UNC5C: variants seen among roughly 807,000 people sequenced by gnomAD.
UNC5C encodes unc-5 netrin receptor C.
A neutral mutation model predicts 99.8 loss-of-function variants in UNC5C; 47 were observed. The observed-to-expected ratio is 0.47, with a 90% CI of 0.37 to 0.60. UNC5C has a LOEUF of 0.60. Ranked by LOEUF, UNC5C falls within the 20% of genes least tolerant of loss-of-function variation. The probability of loss-of-function intolerance (pLI) is 0.00; values close to 1 mark genes in which losing one functional copy is unlikely to be tolerated. For missense variants in UNC5C, 1,062 were observed against 1,165.9 expected, an observed-to-expected ratio of 0.91 and a Z score of 1.30; for synonymous variants, 487 against 452.2, an observed-to-expected ratio of 1.08 and a Z score of -0.98.
intron 1 of UNC5C, among the ~76,000 whole-genome samples, chr4:95,369,939 T>C (rs1744695648): frequency 6.6e-6 from 1 of 151,970 alleles, no homozygotes; most frequent in Admixed American, 6.6e-5. Context: ...CATATTGTGT[T>C]CCCAGAATAA....
chr4:95,332,210 GA>G (rs1265391393), intron 2 of UNC5C, among the ~76,000 whole-genome samples: 3 of 151,872 alleles, frequency 2.0e-5, no homozygotes, highest in Non-Finnish European at 4.4e-5. Flanking sequence ...CACAGAATTG[GA>G]AAAAACTACT....
intron 1 of UNC5C, among the ~76,000 whole-genome samples, chr4:95,363,913 C>G (rs1159658639): frequency 6.6e-6 from 1 of 152,142 alleles, no homozygotes; most frequent in African/African-American, 2.4e-5. Flanking sequence ...TCTCACACTT[C>G]TGGGGGAAGC....
chr4:95,484,128 G>A (rs1327242654), intron 1 of UNC5C, among the ~76,000 whole-genome samples: 1 of 151,752 alleles, frequency 6.6e-6, no homozygotes, highest in Non-Finnish European at 1.5e-5. Flanking sequence ...TGGGTAATGA[G>A]GAAGGGCTTC....
intron 1 of UNC5C, among the ~76,000 whole-genome samples, chr4:95,424,068 T>C (rs1169345491): frequency 1.3e-5 from 2 of 152,196 alleles, no homozygotes; most frequent in Non-Finnish European, 2.9e-5. Flanking sequence ...TTAATTCACA[T>C]GTAAAAATGT....
At chr4:95,382,641 C>T (rs939799524) in intron 1 of UNC5C, among the ~76,000 whole-genome samples, 2 of 151,936 alleles carry the variant, frequency 1.3e-5, no homozygotes, top group African/African-American at 4.8e-5. Context: ...TTGACCCATC[C>T]CCTCATTTGG....
At chr4:95,492,996 T>C (rs1213270447) in intron 1 of UNC5C, among the ~76,000 whole-genome samples, 3 of 151,374 alleles carry the variant, frequency 2.0e-5, no homozygotes, top group Non-Finnish European at 4.4e-5. Context: ...CCTTTTAAAC[T>C]ACAGAAAAGC....
chr4:95,362,509 C>T (rs1002864147), intron 1 of UNC5C, among the ~76,000 whole-genome samples: 21 of 152,110 alleles, frequency 1.4e-4, no homozygotes, highest in Admixed American at 5.9e-4. Context: ...TCATTTAGAG[C>T]AATGGATTTG....
At chr4:95,268,797 T>A (rs1451724622) in intron 4 of UNC5C, among the ~76,000 whole-genome samples, 1 of 152,208 alleles carries the variant, frequency 6.6e-6, no homozygotes, top group African/African-American at 2.4e-5. Context: ...AAGGTTACTC[T>A]GTTAAACTCA....
intron 10 of UNC5C, among the ~76,000 whole-genome samples, chr4:95,209,290 C>T (rs1040700531): frequency 4.6e-5 from 7 of 152,168 alleles, no homozygotes; most frequent in Admixed American, 1.3e-4. Context: ...TTTATCAGCA[C>T]GCATAAAACT....
chr4:95,421,016 T>C (rs187658094), intron 1 of UNC5C, among the ~76,000 whole-genome samples: 49 of 152,266 alleles, frequency 3.2e-4, no homozygotes, highest in African/African-American at 1.0e-3. Flanking sequence ...CTATCTTCAA[T>C]CTCTAGAATG....
chr4:95,508,149 T>C (rs1243113117), intron 1 of UNC5C, among the ~76,000 whole-genome samples: 1 of 151,900 alleles, frequency 6.6e-6, no homozygotes. Flanking sequence ...TACCATAGAA[T>C]AGGGTTTAAA....
intron 14 of UNC5C, among the ~76,000 whole-genome samples, chr4:95,170,801 C>A (rs1044202352): frequency 3.3e-5 from 5 of 152,202 alleles, no homozygotes; most frequent in African/African-American, 1.2e-4. Flanking sequence ...GCAAATGCTC[C>A]AGTAGTTCTG....
intron 4 of UNC5C, among the ~76,000 whole-genome samples, chr4:95,276,619 G>A (rs1017402022): frequency 3.9e-5 from 6 of 152,166 alleles, no homozygotes; most frequent in African/African-American, 2.4e-5. Flanking sequence ...TGGAGGAGGT[G>A]TGCATTAATA....
rs2865446 is a variant in UNC5C, at chr4:95,343,575, C to A, written c.125-7944G>T. The stretch of plus-strand genomic sequence containing the variant: ...TCAAGGCCATCCAAGAAAACATGAC[C>A]ATGCCGAGAAAATTAAATAAGACAC... On this transcript the variant is annotated intron_variant, in intron 1 of 15. Transcript: ENST00000453304. Among the ~76,000 whole-genome samples, 7 of 151,718 alleles carry A rather than the reference C, an allele frequency of 4.6e-5. No homozygotes were observed. In the East Asian group the frequency reaches 5.8e-4, roughly 13 times the overall value.
Position 95,167,244 on chromosome 4 carries a change from T to A in UNC5C, c.*1990A>T, listed in dbSNP as rs1045648491. Reference sequence around the variant, plus strand: ...TTCTAAAGGTTCCGATTCATACACATGTCTGCTTGTTCTTCAGTTTTGGTT... The same window carrying A: ...TTCTAAAGGTTCCGATTCATACACAAGTCTGCTTGTTCTTCAGTTTTGGTT... On this transcript the variant is annotated 3_prime_UTR_variant, in exon 16 of 16. Transcript: ENST00000453304. The A allele has an allele frequency of 6.6e-6, 1 of 152,234 alleles. No homozygotes were observed. Among genetic ancestry groups the A allele is most frequent in the Non-Finnish European group, 1.5e-5 (1 of 68,050 alleles). 9.4% of individuals were successfully genotyped at this position (152,234 alleles called of 1,614,324 possible). A position where few individuals can be genotyped will look rare whatever the true frequency, so the allele number is the denominator to read the frequency against.
chr4:95,347,018 C>G (rs1743800957), intron 1 of UNC5C, among the ~76,000 whole-genome samples: 1 of 151,796 alleles, frequency 6.6e-6, no homozygotes, highest in African/African-American at 2.4e-5. Flanking sequence ...TTGGAAAAAC[C>G]TAGACTTCAT....
At chr4:95,278,425 G>T in intron 3 of UNC5C, 63 bp from the exon 4 acceptor site, 2 of 1,384,396 alleles carry the variant, frequency 1.4e-6, no homozygotes, top group Non-Finnish European at 2.0e-6. Context: ...TTTACAGAGA[G>T]TACAAAAAAT....
At chr4:95,215,438 G>A (rs1424739352) in intron 10 of UNC5C, among the ~76,000 whole-genome samples, 1 of 152,148 alleles carries the variant, frequency 6.6e-6, no homozygotes, top group Non-Finnish European at 1.5e-5. Context: ...TACCCAATAC[G>A]ATTTGTTAGA....
intron 12 of UNC5C, among the ~76,000 whole-genome samples, chr4:95,188,509 C>G (rs760484757): frequency 1.3e-5 from 2 of 152,162 alleles, no homozygotes; most frequent in Admixed American, 6.5e-5. Context: ...GCAAGCCTGC[C>G]CGAAAGGCTA....
Sources: gnomAD v4.1 joint callset for allele counts (sites outside exome capture counted in the v4.1 genomes callset) on GRCh38, gnomAD v4.1.1 for gene constraint, MANE v1.5 for transcripts, NCBI Gene and HGNC (gene_info 2026-07-23, HGNC 2026-07-21) for gene names.